The following ZMAT4 variants were observed in gnomAD, a reference collection of about 807,000 sequenced individuals.
The protein encoded by ZMAT4 is zinc finger matrin-type 4, also known as zinc finger matrin-type protein 4.
In ZMAT4, 17 loss-of-function variants were observed where a neutral mutation model predicts 28.7. The observed-to-expected ratio is 0.59, with a 90% CI of 0.41 to 0.89. The LOEUF is 0.89. Ranked by LOEUF, ZMAT4 falls within the 40% of genes least tolerant of loss-of-function variation. ZMAT4 has a pLI of 0.00. For missense variants in ZMAT4, 240 were observed against 283.8 expected, an observed-to-expected ratio of 0.85 and a Z score of 1.11; for synonymous variants, 117 against 109.2, an observed-to-expected ratio of 1.07 and a Z score of -0.44.
At chr8:40,603,440 T>G (rs1211843626) in intron 5 of ZMAT4, among the ~76,000 whole-genome samples, 1 of 152,170 alleles carries the variant, frequency 6.6e-6, no homozygotes, top group Non-Finnish European at 1.5e-5. Flanking sequence ...GTTTTAGGAT[T>G]GCTTTTTCCA....
rs192600436 is a variant in ZMAT4, at chr8:40,860,294, G to A, written c.-4-34614C>T. 3.2e-3 allele frequency among the ~76,000 whole-genome samples: 480 copies of A among 152,292 alleles called. 1 individual carries two copies. Among genetic ancestry groups the A allele is most frequent in the Non-Finnish European group, 4.6e-3 (313 of 68,034 alleles). ...AGAGGCCAAGCTGGGACCATGAGAT[G>A]AGCAGAGGTCAGGCTGGACCCAGAT... On this transcript the variant is annotated intron_variant, in intron 1 of 6. Transcript: ENST00000297737.
intron 1 of ZMAT4, among the ~76,000 whole-genome samples, chr8:40,826,823 C>A (rs980410156): frequency 6.6e-6 from 1 of 152,130 alleles, no homozygotes; most frequent in Non-Finnish European, 1.5e-5. Context: ...AGCGATCTGT[C>A]GGAAACGGAT....
chr8:40,601,642 AAG>A lies in ZMAT4; in HGVS notation c.578-20383_578-20382del, dbSNP rs1446795491. On this transcript the variant is annotated intron_variant, in intron 5 of 6. Coordinates refer to ENST00000297737, the MANE Select transcript of ZMAT4 (RefSeq NM_024645.3). The stretch of plus-strand genomic sequence containing the variant: ...AGAAAGAAAGAAAGAAAGAGAAAGA[AAG>A]AAAGAAAGAAAGAAAGAAAGAAAGA... Among the ~76,000 whole-genome samples the A allele has an allele frequency of 1.2e-4, 5 of 40,112 alleles. 1 individual carries two copies. Among genetic ancestry groups the A allele is most frequent in the Non-Finnish European group, 2.1e-4 (4 of 18,764 alleles). 26.3% of individuals were successfully genotyped at this position (40,112 alleles called of 152,430 possible).
intron 3 of ZMAT4, among the ~76,000 whole-genome samples, chr8:40,710,551 C>T (rs1810563138): frequency 6.6e-6 from 1 of 152,018 alleles, no homozygotes; most frequent in East Asian, 1.9e-4. Flanking sequence ...CAAAATTTCC[C>T]TAGCACTCAA....
chr8:40,648,909 C>G (rs1481745745), intron 5 of ZMAT4, among the ~76,000 whole-genome samples: 77 of 144,184 alleles, frequency 5.3e-4, no homozygotes, highest in African/African-American at 1.7e-3. Flanking sequence ...TGCCCTAAAA[C>G]AGCTCCTGAA....
chr8:40,621,842 A>G (rs1265819546), intron 5 of ZMAT4, among the ~76,000 whole-genome samples: 2 of 152,226 alleles, frequency 1.3e-5, no homozygotes, highest in Non-Finnish European at 2.9e-5. Context: ...ACCATCTATG[A>G]ATTGTTCAAG....
chr8:40,695,634 GA>G (rs1351087821), intron 4 of ZMAT4, among the ~76,000 whole-genome samples: 1 of 152,172 alleles, frequency 6.6e-6, no homozygotes, highest in Admixed American at 6.5e-5. Context: ...GGAATGTATT[GA>G]TGATGGCTAA....
intron 1 of ZMAT4, among the ~76,000 whole-genome samples, chr8:40,850,365 A>C (rs13254457): frequency 0.25 from 37,423 of 151,964 alleles, 4,725 homozygotes; most frequent in Admixed American, 0.26. Context: ...AGCACAGATG[A>C]GGAATGTCCC....
At chr8:40,801,341 TAA>T (rs201742506) in intron 2 of ZMAT4, among the ~76,000 whole-genome samples, 1,473 of 114,622 alleles carry the variant, frequency 0.013, 39 homozygotes, top group African/African-American at 0.036. Context: ...ATACTTTCTT[TAA>T]AAAAAAAAAT....
chr8:40,560,848 G>A (rs1364648097), intron 6 of ZMAT4, among the ~76,000 whole-genome samples: 1 of 152,088 alleles, frequency 6.6e-6, no homozygotes, highest in Admixed American at 6.6e-5. Context: ...AAAATAACCT[G>A]TATAATCTAC....
intron 5 of ZMAT4, among the ~76,000 whole-genome samples, chr8:40,610,981 A>G (rs912349849): frequency 4.0e-5 from 6 of 151,686 alleles, no homozygotes; most frequent in African/African-American, 1.5e-4. Context: ...TACATAACTA[A>G]TACACAATTA....
intron 5 of ZMAT4, among the ~76,000 whole-genome samples, chr8:40,604,459 C>G (rs1805511527): frequency 6.6e-6 from 1 of 152,138 alleles, no homozygotes; most frequent in South Asian, 2.1e-4. Context: ...AATGCTTTTT[C>G]TGTATCTATT....
chr8:40,599,213 G>A (rs1805209206), intron 5 of ZMAT4, among the ~76,000 whole-genome samples: 1 of 152,098 alleles, frequency 6.6e-6, no homozygotes, highest in East Asian at 1.9e-4. Flanking sequence ...TTGGTTATAG[G>A]CCCCTGGGGA....
chr8:40,702,784 T>C (rs1000119149), intron 3 of ZMAT4, among the ~76,000 whole-genome samples: 1 of 152,164 alleles, frequency 6.6e-6, no homozygotes, highest in Non-Finnish European at 1.5e-5. Flanking sequence ...ATAGTGCTGC[T>C]GGCCTTGAGT....
chr8:40,724,852 T>G (rs952271672), intron 3 of ZMAT4, among the ~76,000 whole-genome samples: 1 of 152,048 alleles, frequency 6.6e-6, no homozygotes, highest in Admixed American at 6.5e-5. Flanking sequence ...ATGAAGTGGA[T>G]AGGGAGGCAG....
intron 6 of ZMAT4, among the ~76,000 whole-genome samples, chr8:40,536,244 T>A (rs893019556): frequency 6.6e-6 from 1 of 152,194 alleles, no homozygotes; most frequent in African/African-American, 2.4e-5. Context: ...TTTTTCTCCA[T>A]CAGCCCATAA....
At chr8:40,655,464 T>C (rs760208280) in intron 5 of ZMAT4, among the ~76,000 whole-genome samples, 18 of 148,862 alleles carry the variant, frequency 1.2e-4, no homozygotes, top group Non-Finnish European at 2.4e-4. Flanking sequence ...CTAAAATTCA[T>C]ATGAAAATTT....
chr8:40,766,899 C>A (rs1441006473), intron 3 of ZMAT4, among the ~76,000 whole-genome samples: 6 of 152,184 alleles, frequency 3.9e-5, no homozygotes, highest in Admixed American at 3.9e-4. Flanking sequence ...GGTATAAATT[C>A]TACGCCTGCA....
chr8:40,828,591 C>CT (rs1816163966), intron 1 of ZMAT4, among the ~76,000 whole-genome samples: 1 of 152,116 alleles, frequency 6.6e-6, no homozygotes, highest in Non-Finnish European at 1.5e-5. Flanking sequence ...AATATCTTGG[C>CT]TTTTTCCACT....
Sources: gnomAD v4.1 joint callset for allele counts (sites outside exome capture counted in the v4.1 genomes callset) on GRCh38, gnomAD v4.1.1 for gene constraint, MANE v1.5 for transcripts, NCBI Gene and HGNC (gene_info 2026-07-23, HGNC 2026-07-21) for gene names.